GALNT18: variants seen among roughly 807,000 people sequenced by gnomAD.
The protein encoded by GALNT18 is GalNAc-transferase 18.
In GALNT18, 44 loss-of-function variants were observed where a neutral mutation model predicts 69.5. The ratio of observed to expected loss-of-function variants is 0.63; its 90% CI spans 0.50 to 0.81. The LOEUF is 0.81. GALNT18 is among the 40% of genes least tolerant of loss of function. GALNT18 has a pLI of 0.00. For synonymous variants in GALNT18, 364 were observed against 318.2 expected (o/e 1.14, Z -1.53); for missense variants, 715 against 810.0 (o/e 0.88, Z 1.42).
intron 9 of GALNT18, among the ~76,000 whole-genome samples, chr11:11,321,035 T>G (rs2133038723): frequency 6.6e-6 from 1 of 152,292 alleles, no homozygotes; most frequent in Admixed American, 6.5e-5. Flanking sequence ...CCCAACCCTT[T>G]GAGACTTGCT....
chr11:11,352,503 T>G (rs376310249), intron 6 of GALNT18: 1 of 1,614,166 alleles, frequency 6.2e-7, no homozygotes. Flanking sequence ...GTACATCTGA[T>G]AGTCTACAAG....
chr11:11,448,999 C>T, intron 1 of GALNT18, 63 bp from the exon 2 acceptor site: 1 of 1,303,212 alleles, frequency 7.7e-7, no homozygotes, highest in Non-Finnish European at 1.0e-6. Flanking sequence ...CCATGACAAT[C>T]CCTTTCCCTT....
At chr11:11,360,814 CT>C (rs1251440052) in intron 6 of GALNT18, among the ~76,000 whole-genome samples, 3 of 151,648 alleles carry the variant, frequency 2.0e-5, no homozygotes, top group Non-Finnish European at 4.4e-5. Flanking sequence ...AGTTGATTGT[CT>C]TTACCATTAC....
chr11:11,334,633 C>A (rs564241155), intron 7 of GALNT18, among the ~76,000 whole-genome samples: 15 of 152,116 alleles, frequency 9.9e-5, no homozygotes, highest in African/African-American at 3.6e-4. Flanking sequence ...AAAATTTGAA[C>A]CTGCTACAGC....
rs767916650 is a variant in GALNT18, at chr11:11,340,785, C to A, written c.1278+34G>T. 10 of 1,562,962 alleles carry A rather than the reference C, an allele frequency of 6.4e-6. No homozygotes were observed. Among genetic ancestry groups the A allele is most frequent in the Non-Finnish European group, 8.7e-6 (10 of 1,150,860 alleles). On this transcript the variant is annotated intron_variant, in intron 7 of 10. Transcript: ENST00000227756. The surrounding 1 kb of genome is among the most constrained non-coding windows in gnomAD (Gnocchi z 4.2). ...CTTGTTTTGTTTGTTTTCCACCAATCCCCGAGAAACTCATCCCTACCGGAG... is the reference window on the plus strand; with the variant it reads ...CTTGTTTTGTTTGTTTTCCACCAATACCCGAGAAACTCATCCCTACCGGAG...
intron 1 of GALNT18, among the ~76,000 whole-genome samples, chr11:11,509,422 G>A (rs1857127151): frequency 6.6e-6 from 1 of 152,128 alleles, no homozygotes. Flanking sequence ...CAGGAAAGAG[G>A]GGAAGGGAGC....
chr11:11,316,428 G>A (rs1057287198), intron 9 of GALNT18, among the ~76,000 whole-genome samples: 5 of 152,168 alleles, frequency 3.3e-5, no homozygotes, highest in African/African-American at 1.2e-4. Context: ...TCCATGAGAG[G>A]TCTTTAATGC....
At chr11:11,345,548 G>A (rs1023940781) in intron 6 of GALNT18, among the ~76,000 whole-genome samples, 2 of 152,150 alleles carry the variant, frequency 1.3e-5, no homozygotes, top group Non-Finnish European at 2.9e-5. Context: ...GATAAGGAAG[G>A]GAGAGAAAGG....
At chr11:11,473,685 C>A (rs1409627390) in intron 1 of GALNT18, among the ~76,000 whole-genome samples, 1 of 152,150 alleles carries the variant, frequency 6.6e-6, no homozygotes, top group African/African-American at 2.4e-5. Flanking sequence ...GAGAGAGAAG[C>A]AAGTTCACTT....
At chr11:11,311,521 A>G (rs1293273550) in intron 9 of GALNT18, among the ~76,000 whole-genome samples, 1 of 152,190 alleles carries the variant, frequency 6.6e-6, no homozygotes, top group African/African-American at 2.4e-5. Flanking sequence ...TGAGGAGTTT[A>G]CATGTTTCCT....
intron 3 of GALNT18, among the ~76,000 whole-genome samples, chr11:11,393,493 T>A (rs569092717): frequency 1.3e-5 from 2 of 152,404 alleles, no homozygotes; most frequent in Admixed American, 6.5e-5. Flanking sequence ...GCTTTCAGCA[T>A]GAACTGCCAA....
chr11:11,599,758 C>T (rs1859590450), intron 1 of GALNT18, among the ~76,000 whole-genome samples: 1 of 151,464 alleles, frequency 6.6e-6, no homozygotes, highest in South Asian at 2.1e-4. Flanking sequence ...TTTCTTTTTT[C>T]CCAGCTTTAC....
At chr11:11,431,898 C>A (rs1160019688) in intron 3 of GALNT18, among the ~76,000 whole-genome samples, 1 of 152,126 alleles carries the variant, frequency 6.6e-6, no homozygotes, top group African/African-American at 2.4e-5. Context: ...TCAGCTGTCT[C>A]AAAATGTGGT....
chr11:11,509,553 G>A (rs1288224824), intron 1 of GALNT18, among the ~76,000 whole-genome samples: 1 of 152,192 alleles, frequency 6.6e-6, no homozygotes, highest in Non-Finnish European at 1.5e-5. Context: ...CATGGTAACT[G>A]CTCAATAAGT....
intron 9 of GALNT18, among the ~76,000 whole-genome samples, chr11:11,326,803 A>G (rs1431776765): frequency 6.6e-6 from 1 of 152,222 alleles, no homozygotes; most frequent in Admixed American, 6.5e-5. Context: ...CAAAGGAAGC[A>G]GGTGTTTCTC....
At chr11:11,312,237 C>A (rs1396168367) in intron 9 of GALNT18, among the ~76,000 whole-genome samples, 3 of 152,174 alleles carry the variant, frequency 2.0e-5, no homozygotes, top group African/African-American at 7.2e-5. Flanking sequence ...TCGTGAGCCA[C>A]CACGCCCGGC....
Position 11,590,207 on chromosome 11 carries a change from T to C in GALNT18, c.235+31152A>G, listed in dbSNP as rs922899425. On this transcript the variant is annotated intron_variant, in intron 1 of 10. Transcript: ENST00000227756. The surrounding 1 kb of genome is among the most constrained non-coding windows in gnomAD (Gnocchi z 4.4). Reference sequence around the variant, plus strand: ...GCTGCTACATGGCTGATTCTGTGAATAAAATGTGGTGGAAATTAGGTGCTC... The same window carrying C: ...GCTGCTACATGGCTGATTCTGTGAACAAAATGTGGTGGAAATTAGGTGCTC... Among the ~76,000 whole-genome samples, 1 of 152,216 alleles carries C rather than the reference T, an allele frequency of 6.6e-6. No individual in the cohort carries two copies. Among genetic ancestry groups the C allele is most frequent in the African/African-American group, 2.4e-5 (1 of 41,454 alleles).
chr11:11,621,577 T>G lies in GALNT18; in HGVS notation c.17A>C (p.Lys6Thr). 1 of 1,604,426 alleles carries G rather than the reference T, an allele frequency of 6.2e-7. No individual in the cohort carries two copies. The highest frequency in any genetic ancestry group is 1.3e-5 in the African/African-American group (1 of 74,804). Residue 6 changes from lysine to threonine, a missense_variant, in exon 1 of 11, where the codon AAG becomes ACG. Coordinates refer to ENST00000227756, the MANE Select transcript of GALNT18 (RefSeq NM_198516.3). The surrounding 1 kb of genome is among the most constrained non-coding windows in gnomAD (Gnocchi z 9.3). MVCTR[K>T]TKTLVSTCVI... ...GCAAGTGGACACCAAAGTTTTGGTCTTCCTGGTGCACACCATTCTGGGCTC... is the reference window on the plus strand; with the variant it reads ...GCAAGTGGACACCAAAGTTTTGGTCGTCCTGGTGCACACCATTCTGGGCTC...
rs1340178299 is a variant in GALNT18 at position 11,461,317 on chromosome 11, G to C, written c.236-12381C>G. Among the ~76,000 whole-genome samples the C allele has an allele frequency of 6.6e-6, 1 of 152,202 alleles. No individual in the cohort carries two copies. Among genetic ancestry groups the C allele is most frequent in the African/African-American group, 2.4e-5 (1 of 41,446 alleles). On this transcript the variant is annotated intron_variant, in intron 1 of 10. Transcript: ENST00000227756. The surrounding 1 kb of genome is among the most constrained non-coding windows in gnomAD (Gnocchi z 4.1). Reference sequence around the variant, plus strand: ...AGCATGTGCACACACACTCACAGAAGTGGAAATAGCCTTGATTAGAAATTA... The same window carrying C: ...AGCATGTGCACACACACTCACAGAACTGGAAATAGCCTTGATTAGAAATTA...
Sources: allele counts gnomAD v4.1 joint callset (sites outside exome capture counted in the v4.1 genomes callset), GRCh38; gene constraint gnomAD v4.1.1; non-coding constraint Gnocchi (gnomAD v3.1); transcripts MANE v1.5; gene names NCBI Gene and HGNC (gene_info 2026-07-23, HGNC 2026-07-21).